EYS: variants seen among roughly 807,000 people sequenced by gnomAD.
EYS encodes the protein protein eyes shut homolog.
A neutral mutation model predicts 282.1 loss-of-function variants in EYS; 250 were observed. That is an observed-to-expected ratio of 0.89 (90% CI 0.80 to 0.98). The LOEUF is 0.98. EYS is among the 50% of genes least tolerant of loss of function. EYS has a pLI of 0.00. For missense variants in EYS, 4,016 were observed against 3,709.0 expected, an observed-to-expected ratio of 1.08 and a Z score of -2.15; for synonymous variants, 1,355 against 1,282.9, an observed-to-expected ratio of 1.06 and a Z score of -1.20.
chr6:65,685,075 A>G (rs1298814029), intron 1 of EYS, among the ~76,000 whole-genome samples: 2 of 151,966 alleles, frequency 1.3e-5, no homozygotes, highest in African/African-American at 4.8e-5. Flanking sequence ...AGTCCAACCT[A>G]TAATAGGGTT....
intron 28 of EYS, among the ~76,000 whole-genome samples, chr6:64,409,836 A>G (rs1378113744): frequency 6.6e-6 from 1 of 152,068 alleles, no homozygotes; most frequent in Non-Finnish European, 1.5e-5. Context: ...GCACATTTTG[A>G]TAAATCTAAA....
intron 24 of EYS, among the ~76,000 whole-genome samples, chr6:64,603,017 TG>T (rs2149839128): frequency 6.6e-6 from 1 of 152,040 alleles, no homozygotes; most frequent in African/African-American, 2.4e-5. Flanking sequence ...CCTCTTGTGT[TG>T]GGTGGACTTC....
chr6:64,798,325 A>T (rs1774423502), intron 22 of EYS, among the ~76,000 whole-genome samples: 2 of 151,928 alleles, frequency 1.3e-5, no homozygotes, highest in African/African-American at 2.4e-5. Context: ...AATAATTTTC[A>T]TCCATACAGA....
intron 30 of EYS, among the ~76,000 whole-genome samples, chr6:64,265,100 C>CCCTT (rs374267381): frequency 6.6e-6 from 1 of 151,520 alleles, no homozygotes. Context: ...TGTTTACCCC[C>CCCTT]AAAATTTAAG....
At chr6:64,172,457 C>A (rs1483936973) in intron 31 of EYS, among the ~76,000 whole-genome samples, 1 of 152,062 alleles carries the variant, frequency 6.6e-6, no homozygotes, top group African/African-American at 2.4e-5. Flanking sequence ...CACGCGTGAG[C>A]GAAATCAACA....
intron 18 of EYS, among the ~76,000 whole-genome samples, chr6:64,891,832 A>C (rs1231219366): frequency 6.6e-6 from 1 of 152,072 alleles, no homozygotes; most frequent in African/African-American, 2.4e-5. Context: ...TTCTATCTTG[A>C]GAGAACAATT....
chr6:64,705,720 C>G (rs988226738), intron 22 of EYS, among the ~76,000 whole-genome samples: 1 of 150,764 alleles, frequency 6.6e-6, no homozygotes, highest in Non-Finnish European at 1.5e-5. Context: ...AGTAAACTAT[C>G]GCAAGAACAA....
In EYS at chr6:64,230,787, C is replaced by T. The variant is rs1214579712; in HGVS notation, c.6229G>A (p.Val2077Ile). The change falls in exon 31 of 43, where the codon GTT (valine) becomes ATT (isoleucine). Residue 2077 changes from valine (V) to isoleucine (I), a missense_variant. Physicochemically the swap from Val to Ile is conservative, Grantham distance 29 (BLOSUM62 3). Coordinates refer to ENST00000503581, the MANE Select transcript of EYS (RefSeq NM_001142800.2). Reference sequence around the variant, plus strand: ...CCTTGTGTCACATCAGAAGCATCAACAAAGGAGGCTGTTGGAGACAGCATA... The same window carrying T: ...CCTTGTGTCACATCAGAAGCATCAATAAAGGAGGCTGTTGGAGACAGCATA... ...GFMLSPTASF[V>I]DASDVTQGVD... The T allele has an allele frequency of 1.4e-5, 21 of 1,550,698 alleles. 1 individual carries two copies. The South Asian group carries it at 2.4e-4, about 18-fold the overall frequency.
chr6:64,800,875 C>G (rs1185916772), intron 22 of EYS, among the ~76,000 whole-genome samples: 4 of 151,812 alleles, frequency 2.6e-5, no homozygotes, highest in Non-Finnish European at 4.4e-5. Context: ...ACAAAAGGAC[C>G]TGAATTTTGA....
intron 30 of EYS, among the ~76,000 whole-genome samples, chr6:64,278,657 A>G (rs1422636489): frequency 2.0e-5 from 3 of 152,208 alleles, no homozygotes. Flanking sequence ...TTAAAAACAT[A>G]GAAATAATGC....
chr6:65,443,532 T>A (rs1434462942), intron 5 of EYS, among the ~76,000 whole-genome samples: 1 of 151,714 alleles, frequency 6.6e-6, no homozygotes, highest in Non-Finnish European at 1.5e-5. Flanking sequence ...TATATACATA[T>A]ACTTATGGAC....
intron 12 of EYS, among the ~76,000 whole-genome samples, chr6:65,158,818 C>A (rs78046792): frequency 3.3e-5 from 5 of 150,954 alleles, no homozygotes; most frequent in African/African-American, 1.2e-4. Flanking sequence ...AAGATATACA[C>A]CCATAGATAA....
intron 14 of EYS, among the ~76,000 whole-genome samples, chr6:64,986,936 C>A (rs1318269771): frequency 6.6e-6 from 1 of 151,158 alleles, no homozygotes; most frequent in Non-Finnish European, 1.5e-5. Flanking sequence ...AATTGGCAAA[C>A]CTTAAGAAGA....
chr6:64,548,167 A>C (rs1764942867), intron 26 of EYS, among the ~76,000 whole-genome samples: 1 of 152,208 alleles, frequency 6.6e-6, no homozygotes, highest in South Asian at 2.1e-4. Flanking sequence ...GAGCCAAGGC[A>C]GAGGAGGCAC....
chr6:64,641,799 A>G (rs1768164008), intron 22 of EYS, among the ~76,000 whole-genome samples: 1 of 152,126 alleles, frequency 6.6e-6, no homozygotes, highest in African/African-American at 2.4e-5. Flanking sequence ...AGCCACACTG[A>G]ATTCTCATAG....
intron 22 of EYS, among the ~76,000 whole-genome samples, chr6:64,644,888 A>T (rs1768296033): frequency 6.6e-6 from 1 of 152,086 alleles, no homozygotes; most frequent in East Asian, 1.9e-4. Flanking sequence ...TGGATGGGAG[A>T]AATTTCTATA....
intron 14 of EYS, among the ~76,000 whole-genome samples, chr6:64,970,682 C>T (rs1037084436): frequency 6.6e-6 from 1 of 152,116 alleles, no homozygotes; most frequent in Non-Finnish European, 1.5e-5. Flanking sequence ...CTGTTTAGTA[C>T]AATACGTAAA....
chr6:65,141,104 A>G (rs548219405), intron 12 of EYS, among the ~76,000 whole-genome samples: 1 of 152,012 alleles, frequency 6.6e-6, no homozygotes, highest in East Asian at 1.9e-4. Context: ...AATGTCCAAC[A>G]ATGATAGACT....
intron 12 of EYS, among the ~76,000 whole-genome samples, chr6:65,195,541 T>C (rs1386498479): frequency 6.6e-6 from 1 of 152,080 alleles, no homozygotes; most frequent in African/African-American, 2.4e-5. Context: ...TAGCCATGTC[T>C]GCTGAATGTG....
Sources: allele counts gnomAD v4.1 joint callset (sites outside exome capture counted in the v4.1 genomes callset), GRCh38; gene constraint gnomAD v4.1.1; transcripts MANE v1.5; gene names NCBI Gene and HGNC (gene_info 2026-07-23, HGNC 2026-07-21).